Variants in SPPL2B observed in about 807,000 individuals in gnomAD.
SPPL2B encodes the protein signal peptide peptidase-like 2B.
A neutral mutation model predicts 59.7 loss-of-function variants in SPPL2B; 39 were observed. That is an observed-to-expected ratio of 0.65 (90% CI 0.51 to 0.85). SPPL2B has a LOEUF of 0.85. Among genes scored for constraint, SPPL2B ranks in the 40% least tolerant of loss-of-function variants. The pLI is 0.00. For missense variants in SPPL2B, 865 were observed against 849.0 expected (o/e 1.02, Z -0.23); for synonymous variants, 419 against 370.8 (o/e 1.13, Z -1.49).
chr19:2,351,870 G>C (rs1386663745), intron 14 of SPPL2B, among the ~76,000 whole-genome samples: 4 of 151,950 alleles, frequency 2.6e-5, no homozygotes, highest in Non-Finnish European at 5.9e-5. Flanking sequence ...GTGCCGGGTG[G>C]GACGCGGGGG....
At chr19:2,331,105 C>A (rs189523905) in intron 1 of SPPL2B, among the ~76,000 whole-genome samples, 4 of 152,198 alleles carry the variant, frequency 2.6e-5, no homozygotes, top group Non-Finnish European at 4.4e-5. Flanking sequence ...CAGTGAGACA[C>A]CTCCCTTCCC....
At chr19:2,339,421 G>C (rs1203393028) in intron 5 of SPPL2B, among the ~76,000 whole-genome samples, 14 of 152,190 alleles carry the variant, frequency 9.2e-5, no homozygotes, top group Admixed American at 9.2e-4. Flanking sequence ...GGTGTGTAGG[G>C]CTGGGCAGGT....
intron 13 of SPPL2B, 142 bp downstream of exon 13, chr19:2,345,472 A>C: frequency 4.2e-6 from 3 of 707,068 alleles, no homozygotes; most frequent in Admixed American, 2.5e-5. Flanking sequence ...TAACACCCTA[A>C]CCCTAACCCC....
In SPPL2B at chr19:2,337,662, A is replaced by T. The variant is rs778565377; in HGVS notation, c.369+37A>T. 3.3e-6 allele frequency: 5 copies of T among 1,498,676 alleles called. No individual in the cohort carries two copies. In the South Asian group the frequency reaches 5.2e-5, roughly 16 times the overall value. 92.8% of individuals were successfully genotyped at this position (1,498,676 alleles called of 1,614,324 possible). A position where few individuals can be genotyped will look rare whatever the true frequency, so the allele number is the denominator to read the frequency against. On this transcript the variant is annotated intron_variant, in intron 3 of 14. Coordinates refer to ENST00000613503, the MANE Select transcript of SPPL2B (RefSeq NM_152988.3). The stretch of plus-strand genomic sequence containing the variant: ...TGCGTCCCCCGCTGGGCCAGCTCTC[A>T]GGGGCAGGAGGGGGGTGCAGGAGGC...
At chr19:2,335,394 C>T (rs867680646) in intron 2 of SPPL2B, among the ~76,000 whole-genome samples, 2 of 131,922 alleles carry the variant, frequency 1.5e-5, no homozygotes, top group South Asian at 5.4e-4. Context: ...CAGGCCCCGC[C>T]TTCTTTCCCA....
chr19:2,337,726 G>A (rs1277842624), intron 3 of SPPL2B, 101 bp downstream of exon 3: 15 of 1,187,110 alleles, frequency 1.3e-5, no homozygotes, highest in South Asian at 1.1e-4. Context: ...CCGACTTCTC[G>A]CTAAAGGCAG....
intron 1 of SPPL2B, among the ~76,000 whole-genome samples, chr19:2,333,444 G>A (rs1183100972): frequency 2.6e-5 from 4 of 152,212 alleles, no homozygotes; most frequent in East Asian, 3.8e-4. Flanking sequence ...GGTGGGAGGC[G>A]TGGTGAGCAG....
intron 4 of SPPL2B, 104 bp downstream of exon 4, chr19:2,338,945 G>T: frequency 6.7e-7 from 1 of 1,497,446 alleles, no homozygotes; most frequent in Non-Finnish European, 9.1e-7. Context: ...GATCAGGGTG[G>T]TGGGTGAGGC....
At chr19:2,335,742 C>G (rs1473057303) in intron 2 of SPPL2B, among the ~76,000 whole-genome samples, 1 of 151,204 alleles carries the variant, frequency 6.6e-6, no homozygotes, top group Non-Finnish European at 1.5e-5. Context: ...CGCCTCCTTT[C>G]CCACTGAGTC....
At chr19:2,336,564 G>A (rs754055208) in intron 2 of SPPL2B, among the ~76,000 whole-genome samples, 1 of 151,852 alleles carries the variant, frequency 6.6e-6, no homozygotes, top group African/African-American at 2.4e-5. Flanking sequence ...TGTAATAGGT[G>A]TGTGTGCGTG....
intron 13 of SPPL2B, among the ~76,000 whole-genome samples, chr19:2,348,304 C>T (rs1319042128): frequency 1.7e-5 from 2 of 121,160 alleles, no homozygotes; most frequent in Non-Finnish European, 3.5e-5. Context: ...TCCACACACA[C>T]ACTCGCGCTC....
At chr19:2,343,138 T>C (rs1004092605) in intron 8 of SPPL2B, 73 bp from the exon 9 acceptor site, 5 of 1,226,238 alleles carry the variant, frequency 4.1e-6, no homozygotes, top group Non-Finnish European at 5.9e-6. Flanking sequence ...GGGCCCTGTG[T>C]GGCTCGTGGG....
At chr19:2,343,326 A>G (rs779235517) in intron 9 of SPPL2B, 34 bp downstream of exon 9, 1 of 1,517,476 alleles carries the variant, frequency 6.6e-7, no homozygotes, top group African/African-American at 1.4e-5. Context: ...GCGGGGCAGC[A>G]TGGGTAGTGG....
In SPPL2B at chr19:2,337,478, G is replaced by C. The variant is rs903236792; in HGVS notation, c.222G>C (p.Leu74=). 1.9e-6 allele frequency: 3 copies of C among 1,612,304 alleles called. No individual in the cohort carries two copies. The African/African-American group carries it at 4.0e-5, about 22-fold the overall frequency. The change falls in exon 3 of 15, where the codon CTG becomes CTC. Residue 74 remains leucine, a synonymous_variant. Coordinates refer to ENST00000613503, the MANE Select transcript of SPPL2B (RefSeq NM_152988.3). ...FLQLRNWTAS[L]LCSAADLPAR... is the part of the protein sequence containing the mutation. Reference sequence around the variant, plus strand: ...AGCTGCGCAACTGGACGGCCTCCCTGCTCTGCTCCGCAGCCGACCTCCCCG... The same window carrying C: ...AGCTGCGCAACTGGACGGCCTCCCTCCTCTGCTCCGCAGCCGACCTCCCCG...
chr19:2,352,143 G>A (rs1202530947), intron 14 of SPPL2B, among the ~76,000 whole-genome samples: 2 of 151,254 alleles, frequency 1.3e-5, no homozygotes, highest in African/African-American at 4.9e-5. Flanking sequence ...ACGCCACGTC[G>A]GTTCTGCTCT....
At chr19:2,338,628 A>G in intron 3 of SPPL2B, 124 bp from the exon 4 acceptor site, 1 of 601,112 alleles carries the variant, frequency 1.7e-6, no homozygotes, top group Non-Finnish European at 2.9e-6. Context: ...GGGAGCCAGC[A>G]GGCGCCCCCA....
In SPPL2B at chr19:2,345,424, C is replaced by CAACCCT. The variant is rs1599236416; in HGVS notation, c.1354+103_1354+108dup. On this transcript the variant is annotated intron_variant, in intron 13 of 14. Transcript: ENST00000613503. The stretch of plus-strand genomic sequence containing the variant: ...TGACCCTGACCCCTAACCCCAACCC[C>CAACCCT]AACCCTAACCCTAATTCCAACTCTA... 3.0e-5 allele frequency: 30 copies of CAACCCT among 1,015,922 alleles called. No individual in the cohort carries two copies. In the East Asian group the frequency reaches 5.9e-4, roughly 20 times the overall value. 62.9% of individuals were successfully genotyped at this position (1,015,922 alleles called of 1,614,324 possible). A position where few individuals can be genotyped will look rare whatever the true frequency, so the allele number is the denominator to read the frequency against.
intron 8 of SPPL2B, 55 bp from the exon 9 acceptor site, chr19:2,343,156 G>A (rs962653293): frequency 2.7e-5 from 39 of 1,441,246 alleles, no homozygotes; most frequent in Admixed American, 3.9e-5. Flanking sequence ...GGGAGGCGGC[G>A]TCCTGGGTGG....
intron 2 of SPPL2B, among the ~76,000 whole-genome samples, chr19:2,336,423 G>C (rs1968616890): frequency 6.6e-6 from 1 of 151,524 alleles, no homozygotes. Context: ...TGGATAATAG[G>C]TTTGTGTGTG....
Sources: gnomAD v4.1 joint callset for allele counts (sites outside exome capture counted in the v4.1 genomes callset) on GRCh38, gnomAD v4.1.1 for gene constraint, MANE v1.5 for transcripts, NCBI Gene and HGNC (gene_info 2026-07-23, HGNC 2026-07-21) for gene names.